The following ADAMTS5 variants were observed in gnomAD, a reference collection of about 807,000 sequenced individuals.
ADAMTS5 encodes the protein ADAM metallopeptidase with thrombospondin type 1 motif 5, also known as A disintegrin and metalloproteinase with thrombospondin motifs 5.
Under a neutral mutation model 81.4 loss-of-function variants are expected in ADAMTS5, and 54 were observed. The ratio of observed to expected loss-of-function variants is 0.66; its 90% CI spans 0.53 to 0.83. The LOEUF (loss-of-function observed/expected upper bound fraction) is 0.83. ADAMTS5 is among the 40% of genes least tolerant of loss of function. The pLI is 0.00. For missense variants in ADAMTS5, 1,194 were observed against 1,229.9 expected (o/e 0.97, Z 0.44); for synonymous variants, 532 against 508.8 (o/e 1.05, Z -0.61).
Position 26,919,036 on chromosome 21 carries a change from C to T in ADAMTS5, c.*5017G>A, listed in dbSNP as rs560047412. ...CAAATTTTGAGTATCAAGTTGTGCCCTACCGTGACACAAAGCTTAGAGGTC... is the reference window on the plus strand; with the variant it reads ...CAAATTTTGAGTATCAAGTTGTGCCTTACCGTGACACAAAGCTTAGAGGTC... On this transcript the variant is annotated 3_prime_UTR_variant, in exon 8 of 8. Transcript: ENST00000284987. The T allele has an allele frequency of 2.0e-5, 3 of 151,996 alleles. No individual in the cohort carries two copies. Among genetic ancestry groups the T allele is most frequent in the East Asian group, 1.9e-4 (1 of 5,172 alleles). The allele number at this position is 151,996 out of a possible 1,614,324, so 9.4% of individuals were successfully genotyped here. A position where few individuals can be genotyped will look rare whatever the true frequency, so the allele number is the denominator to read the frequency against.
At chr21:26,936,706 A>G (rs1987020088) in intron 3 of ADAMTS5, among the ~76,000 whole-genome samples, 1 of 152,216 alleles carries the variant, frequency 6.6e-6, no homozygotes, top group Non-Finnish European at 1.5e-5. Context: ...ATAAGAATCC[A>G]GCCAAAGAGA....
At chr21:26,937,635 C>T (rs1987037949) in intron 3 of ADAMTS5, among the ~76,000 whole-genome samples, 1 of 152,142 alleles carries the variant, frequency 6.6e-6, no homozygotes, top group Non-Finnish European at 1.5e-5. Context: ...TGTTTAAAAT[C>T]TAAGTAATAA....
intron 2 of ADAMTS5, among the ~76,000 whole-genome samples, chr21:26,952,809 C>T (rs1987346997): frequency 6.6e-6 from 1 of 152,208 alleles, no homozygotes; most frequent in African/African-American, 2.4e-5. Flanking sequence ...TCTTATGGGA[C>T]TCCTCTCACT....
rs191884861 is a variant in ADAMTS5 at position 26,927,099 on chromosome 21, C to T, written c.2226-2479G>A. ...AACTCCAGACACTAACCAGCTTTCC[C>T]GACTACCATAAGTGAATGCAATTTT... On this transcript the variant is annotated intron_variant, in intron 7 of 7. Coordinates refer to ENST00000284987, the MANE Select transcript of ADAMTS5 (RefSeq NM_007038.5). 3.6e-3 allele frequency among the ~76,000 whole-genome samples: 541 copies of T among 152,252 alleles called. 2 individuals carry two copies. Among genetic ancestry groups the T allele is most frequent in the African/African-American group, 0.011 (459 of 41,534 alleles).
chr21:26,933,013 C>T lies in ADAMTS5; in HGVS notation c.1721G>A (p.Gly574Glu), dbSNP rs1986944242. The T allele has an allele frequency of 6.2e-7, 1 of 1,613,354 alleles. No individual in the cohort carries two copies. The highest frequency in any genetic ancestry group is 1.7e-5 in the Admixed American group (1 of 59,850). ...TGAGCGAGAACACTGGCCCCAGGATCCCCAAGATCCCCAGTTGCCATGGCT... is the reference window on the plus strand; with the variant it reads ...TGAGCGAGAACACTGGCCCCAGGATTCCCAAGATCCCCAGTTGCCATGGCT... Reference protein sequence around the residue: ...TSSHGNWGSWGSWGQCSRSCG... With the variant: ...TSSHGNWGSWESWGQCSRSCG... The change falls in exon 5 of 8, where the codon GGA becomes GAA. Residue 574 changes from glycine to glutamate, a missense_variant. Around this residue, in one of 2 missense-constraint regions of ADAMTS5, gnomAD observed 696 missense variants for 817.6 expected, o/e 0.85. Transcript: ENST00000284987.
At chr21:26,961,220 G>T (rs1385304135) in intron 1 of ADAMTS5, among the ~76,000 whole-genome samples, 1 of 152,208 alleles carries the variant, frequency 6.6e-6, no homozygotes, top group Non-Finnish European at 1.5e-5. Flanking sequence ...ATTCTGTCAA[G>T]ATAATTACAC....
rs77089158 is a variant in ADAMTS5, at chr21:26,949,925, T to C, written c.1237+4814A>G. On this transcript the variant is annotated intron_variant, in intron 2 of 7. Transcript: ENST00000284987. ...TGGTCTGTGGTGTTTCAAGAACCTC[T>C]GCAGCTTTTCAAAATATGGCCGTGT... is the stretch of plus-strand genomic sequence containing the variant. Among the ~76,000 whole-genome samples the C allele has an allele frequency of 6.6e-5, 10 of 152,332 alleles. 1 individual carries two copies. The East Asian group carries it at 1.9e-3, about 29-fold the overall frequency.
chr21:26,958,268 A>G (rs1186860576), intron 1 of ADAMTS5, among the ~76,000 whole-genome samples: 9 of 152,202 alleles, frequency 5.9e-5, no homozygotes, highest in Non-Finnish European at 1.3e-4. Context: ...ATTAAGGAAG[A>G]ACACCTTATA....
At chr21:26,933,083 A>T (rs1357064760) in intron 4 of ADAMTS5, 39 bp from the exon 5 acceptor site, 1 of 1,566,674 alleles carries the variant, frequency 6.4e-7, no homozygotes, top group East Asian at 2.3e-5. Flanking sequence ...CTCCAATGAG[A>T]GAAAAACATT....
Position 26,924,366 on chromosome 21 carries a change from T to C in ADAMTS5, c.2480A>G (p.Lys827Arg), listed in dbSNP as rs113584909. ...AAGAATCTGCACTATTAGAATTTCC[T>C]TCGTGGCAGAGTAGCCCATGCCATG... The part of the protein sequence containing the change: ...FLHGMGYSAT[K>R]EILIVQILAT... Residue 827 changes from lysine to arginine, a missense_variant, in exon 8 of 8, where the codon AAG becomes AGG. Around this residue, in one of 2 missense-constraint regions of ADAMTS5, gnomAD observed 696 missense variants for 817.6 expected, o/e 0.85. Transcript: ENST00000284987. The C allele has an allele frequency of 2.0e-5, 32 of 1,614,060 alleles. No homozygotes were observed.
intron 6 of ADAMTS5, among the ~76,000 whole-genome samples, chr21:26,930,265 A>G (rs1294096240): frequency 6.6e-6 from 1 of 152,052 alleles, no homozygotes; most frequent in African/African-American, 2.4e-5. Context: ...CAGATTTTGG[A>G]TAAGCCTAGG....
rs901792678 is a variant in ADAMTS5, at chr21:26,925,885, C to G, written c.2226-1265G>C. 3.6e-4 allele frequency among the ~76,000 whole-genome samples: 55 copies of G among 152,204 alleles called. 2 individuals carry two copies. The highest frequency in any genetic ancestry group is 1.3e-3 in the African/African-American group (53 of 41,448). ...AGTGTTGAAGAGAGATGATGCAATG[C>G]TCAGGGCGTTCCTTATTCTGTCTAA... On this transcript the variant is annotated intron_variant, in intron 7 of 7. Coordinates refer to ENST00000284987, the MANE Select transcript of ADAMTS5 (RefSeq NM_007038.5).
chr21:26,954,190 T>G (rs1987375026), intron 2 of ADAMTS5: 1 of 152,174 alleles, frequency 6.6e-6, no homozygotes, highest in African/African-American at 2.4e-5. Context: ...ACAAACAAAT[T>G]AGGTAAGTGA....
At chr21:26,934,319 G>C in intron 4 of ADAMTS5, 147 bp downstream of exon 4, 1 of 1,057,394 alleles carries the variant, frequency 9.5e-7, no homozygotes. Context: ...GCTACTGCGG[G>C]TAAAAGAAGA....
rs1232588435 is a variant in ADAMTS5 at position 26,923,824 on chromosome 21, G to A, written c.*229C>T. ...ATCAGTGTTTCTTGTAAGCCCAGGG[G>A]ATGTTCAATAACTCCCAAGTTTTTC... On this transcript the variant is annotated 3_prime_UTR_variant, in exon 8 of 8. Transcript: ENST00000284987. 4 of 475,506 alleles carry A rather than the reference G, an allele frequency of 8.4e-6. No homozygotes were observed. The highest frequency in any genetic ancestry group is 3.2e-5 in the East Asian group (1 of 31,160). The allele number at this position is 475,506 out of a possible 1,614,324, so 29.5% of individuals were successfully genotyped here.
chr21:26,966,876 C>G lies in ADAMTS5; in HGVS notation c.-485G>C, dbSNP rs1171050533. Among the ~76,000 whole-genome samples, 1 of 152,090 alleles carries G rather than the reference C, an allele frequency of 6.6e-6. No individual in the cohort carries two copies. Among genetic ancestry groups the G allele is most frequent in the Non-Finnish European group, 1.5e-5 (1 of 68,030 alleles). ...CCAAGCTCCGGGGCCCACTTCCTTT[C>G]TTATTTTGTGGGTTTCCTTGGCTCT... On this transcript the variant is annotated 5_prime_UTR_variant, in exon 1 of 8. Transcript: ENST00000284987.
Position 26,965,440 on chromosome 21 carries a change from C to T in ADAMTS5, c.952G>A (p.Val318Met). 1.2e-6 allele frequency: 2 copies of T among 1,614,274 alleles called. No homozygotes were observed. Among genetic ancestry groups the T allele is most frequent in the South Asian group, 1.1e-5 (1 of 91,088 alleles). Residue 318 changes from valine to methionine, a missense_variant, in exon 1 of 8, where the codon GTG (valine) becomes ATG (methionine). Coordinates refer to ENST00000284987, the MANE Select transcript of ADAMTS5 (RefSeq NM_007038.5). ...TTGTCCTTGTCGCCTAGCACCACCACCTTCACCACGGCCAGGCGGATGTGG... is the reference window on the plus strand; with the variant it reads ...TTGTCCTTGTCGCCTAGCACCACCATCTTCACCACGGCCAGGCGGATGTGG... ...ENHIRLAVVK[V>M]VVLGDKDKSL... is the part of the protein sequence containing the mutation.
At position 26,967,051 on chromosome 21, in the gene ADAMTS5, T is replaced by G. The variant is rs1987703144; in HGVS notation, c.-660A>C. 1.3e-5 allele frequency among the ~76,000 whole-genome samples: 2 copies of G among 152,300 alleles called. No homozygotes were observed. The highest frequency in any genetic ancestry group is 3.4e-3 in the Middle Eastern group (1 of 294). Reference sequence around the variant, plus strand: ...TCCTCCTGCCCGCCGTCATCCCCAGTCGGCAGCTGCGAGCGCCGAGAGCAG... The same window carrying G: ...TCCTCCTGCCCGCCGTCATCCCCAGGCGGCAGCTGCGAGCGCCGAGAGCAG... On this transcript the variant is annotated 5_prime_UTR_variant, in exon 1 of 8. Transcript: ENST00000284987.
chr21:26,943,278 G>A lies in ADAMTS5; in HGVS notation c.1405+102C>T, dbSNP rs575139865. On this transcript the variant is annotated intron_variant, in intron 3 of 7. Transcript: ENST00000284987. ...TTCTGACACTATCCACACAACTATTGTCTTAGAGGGCAAGATGAATATTAT... is the reference window on the plus strand; with the variant it reads ...TTCTGACACTATCCACACAACTATTATCTTAGAGGGCAAGATGAATATTAT... 3 of 1,179,382 alleles carry A rather than the reference G, an allele frequency of 2.5e-6. No individual in the cohort carries two copies. The African/African-American group carries it at 4.7e-5, about 18-fold the overall frequency. The allele number at this position is 1,179,382 out of a possible 1,614,324, so 73.1% of individuals were successfully genotyped here.
Sources: allele counts gnomAD v4.1 joint callset (sites outside exome capture counted in the v4.1 genomes callset), GRCh38; gene constraint gnomAD v4.1.1; regional missense constraint gnomAD v4.1.1; transcripts MANE v1.5; gene names NCBI Gene and HGNC (gene_info 2026-07-23, HGNC 2026-07-21).